Variants in C16orf78 observed in about 807,000 individuals in gnomAD.
The protein encoded by C16orf78 is chromosome 16 open reading frame 78.
A neutral mutation model predicts 27.3 loss-of-function variants in C16orf78; 19 were observed. The observed-to-expected ratio is 0.70, with a 90% CI of 0.49 to 1.02. The LOEUF is 1.02. Ranked by LOEUF, C16orf78 falls within the 50% of genes least tolerant of loss-of-function variation. C16orf78 has a pLI of 0.00. For missense variants in C16orf78, 339 were observed against 337.0 expected (o/e 1.01, Z -0.05); for synonymous variants, 130 against 116.1 (o/e 1.12, Z -0.77).
intron 1 of C16orf78, among the ~76,000 whole-genome samples, chr16:49,377,114 G>A (rs754733244): frequency 6.6e-6 from 1 of 152,186 alleles, no homozygotes. Context: ...CCTCCCCTGC[G>A]AGAGCAGGAG....
intron 3 of C16orf78, among the ~76,000 whole-genome samples, chr16:49,390,954 C>G (rs753043627): frequency 2.0e-5 from 3 of 152,182 alleles, no homozygotes; most frequent in Non-Finnish European, 4.4e-5. Context: ...TCAAGGATCA[C>G]TTCCCTGTGT....
intron 4 of C16orf78, among the ~76,000 whole-genome samples, 172 bp downstream of exon 4, chr16:49,396,850 G>A (rs890684755): frequency 4.6e-5 from 7 of 152,238 alleles, no homozygotes; most frequent in Non-Finnish European, 8.8e-5. Context: ...TCAAGCCAGT[G>A]GGTTTCCAGC....
Position 49,378,472 on chromosome 16 carries a change from C to A in C16orf78, c.273C>A (p.Ala91=), listed in dbSNP as rs781755813. ...NRRDTETSQQ[A]LGKRFRKDAA... ...ACTTCTCACCTGCTCCCTCCAAGGC[C>A]TTAGGAAAGAGATTCAGGAAGGACG... The change falls in exon 3 of 5, where the codon GCC becomes GCA. Residue 91 remains alanine (A), a splice_region_variant and synonymous_variant. Coordinates refer to ENST00000299191, the MANE Select transcript of C16orf78 (RefSeq NM_144602.4). 1 of 1,576,836 alleles carries A rather than the reference C, an allele frequency of 6.3e-7. No individual in the cohort carries two copies. The highest frequency in any genetic ancestry group is 1.9e-5 in the Admixed American group (1 of 54,020).
intron 1 of C16orf78, among the ~76,000 whole-genome samples, chr16:49,376,854 G>A (rs575568916): frequency 1.3e-4 from 20 of 152,136 alleles, no homozygotes; most frequent in South Asian, 1.0e-3. Flanking sequence ...GCCCTCAGCC[G>A]TGGATAGAGC....
intron 3 of C16orf78, among the ~76,000 whole-genome samples, chr16:49,388,608 C>A (rs374662258): frequency 6.6e-6 from 1 of 152,100 alleles, no homozygotes; most frequent in Non-Finnish European, 1.5e-5. Flanking sequence ...ACCTCCCATG[C>A]TCAAGCAATC....
chr16:49,390,813 C>A (rs1478299196), intron 3 of C16orf78, among the ~76,000 whole-genome samples: 1 of 152,212 alleles, frequency 6.6e-6, no homozygotes, highest in Non-Finnish European at 1.5e-5. Flanking sequence ...TGGTTTCTCT[C>A]CCCAACTCAA....
intron 3 of C16orf78, among the ~76,000 whole-genome samples, chr16:49,380,429 C>A (rs12921926): frequency 6.6e-6 from 1 of 152,150 alleles, no homozygotes; most frequent in Non-Finnish European, 1.5e-5. Context: ...CATACCTTCC[C>A]CGAATTTTCT....
Position 49,399,343 on chromosome 16 carries a change from T to A in C16orf78, c.*65T>A. 6.4e-7 allele frequency: 1 copy of A among 1,566,362 alleles called. No individual in the cohort carries two copies. Among genetic ancestry groups the A allele is most frequent in the Admixed American group, 1.7e-5 (1 of 58,936 alleles). ...TGGGACCCTTCACCTCCAGATGCCA[T>A]CCTCTGGCACACTACAAGTGGTCCT... On this transcript the variant is annotated 3_prime_UTR_variant, in exon 5 of 5. Coordinates refer to ENST00000299191, the MANE Select transcript of C16orf78 (RefSeq NM_144602.4).
At chr16:49,383,004 T>C (rs1965306966) in intron 3 of C16orf78, among the ~76,000 whole-genome samples, 1 of 152,234 alleles carries the variant, frequency 6.6e-6, no homozygotes, top group African/African-American at 2.4e-5. Flanking sequence ...TGCCAGCAGG[T>C]CAGGCTGACT....
chr16:49,391,569 G>A (rs1033262500), intron 3 of C16orf78, among the ~76,000 whole-genome samples: 4 of 152,102 alleles, frequency 2.6e-5, no homozygotes, highest in Non-Finnish European at 5.9e-5. Flanking sequence ...ATAATCTGTG[G>A]CATCTTGAGC....
rs138287349 is a variant in C16orf78, at chr16:49,375,801, G to A, written c.150+1712G>A. ...GCCTACCCACTGCCTTGATTTGGGG[G>A]CGAAGGGGAAGCTTGACTTCTGGGT... On this transcript the variant is annotated intron_variant, in intron 1 of 4. Transcript: ENST00000299191. Among the ~76,000 whole-genome samples, 95 of 152,270 alleles carry A rather than the reference G, an allele frequency of 6.2e-4. No individual in the cohort carries two copies. The East Asian group carries it at 0.018, about 28-fold the overall frequency.
At chr16:49,382,643 G>A (rs1237759799) in intron 3 of C16orf78, among the ~76,000 whole-genome samples, 1 of 152,036 alleles carries the variant, frequency 6.6e-6, no homozygotes, top group African/African-American at 2.4e-5. Flanking sequence ...CAGGAGTTCA[G>A]GCCACCAAAT....
intron 3 of C16orf78, among the ~76,000 whole-genome samples, chr16:49,380,755 T>C (rs1175730059): frequency 6.6e-6 from 1 of 152,010 alleles, no homozygotes; most frequent in African/African-American, 2.4e-5. Context: ...CTAGGGTTTT[T>C]ATGGTTTTAG....
rs142378468 is a variant in C16orf78 at position 49,380,288 on chromosome 16, C to T, written c.394+1695C>T. Among the ~76,000 whole-genome samples the T allele has an allele frequency of 3.9e-5, 6 of 152,312 alleles. No individual in the cohort carries two copies. In the East Asian group the frequency reaches 5.8e-4, roughly 15 times the overall value. On this transcript the variant is annotated intron_variant, in intron 3 of 4. Coordinates refer to ENST00000299191, the MANE Select transcript of C16orf78 (RefSeq NM_144602.4). ...AGTCAATACTCCTTAATAAACTCCC[C>T]TTCATATATACATCTATCCTGTTAG...
intron 3 of C16orf78, among the ~76,000 whole-genome samples, chr16:49,382,338 G>A (rs772108846): frequency 5.9e-5 from 9 of 151,694 alleles, no homozygotes; most frequent in Middle Eastern, 3.2e-3. Flanking sequence ...TAGGTGCAGC[G>A]CACCAGCATG....
intron 3 of C16orf78, among the ~76,000 whole-genome samples, chr16:49,384,587 T>C (rs904536101): frequency 6.6e-6 from 1 of 151,880 alleles, no homozygotes; most frequent in African/African-American, 2.4e-5. Context: ...ATACATATTA[T>C]GGGAGTCTAA....
At chr16:49,380,440 G>A (rs1312542406) in intron 3 of C16orf78, among the ~76,000 whole-genome samples, 1 of 152,144 alleles carries the variant, frequency 6.6e-6, no homozygotes, top group African/African-American at 2.4e-5. Flanking sequence ...CGAATTTTCT[G>A]TGACTACCAG....
chr16:49,374,640 C>T (rs1221747010), intron 1 of C16orf78, among the ~76,000 whole-genome samples: 2 of 152,214 alleles, frequency 1.3e-5, no homozygotes, highest in African/African-American at 2.4e-5. Context: ...TGGGATCCTC[C>T]TACTGCCCTC....
Position 49,377,605 on chromosome 16 carries a change from G to T in C16orf78, c.151-126G>T, listed in dbSNP as rs566578620. ...AGGAACAGTGACGACAGGCCCTAGA[G>T]TGTGTGTGCTGAAGCCTGTGGAGGG... is the stretch of plus-strand genomic sequence containing the variant. On this transcript the variant is annotated intron_variant, in intron 1 of 4. Transcript: ENST00000299191. 3.5e-5 allele frequency: 43 copies of T among 1,224,168 alleles called. No homozygotes were observed. In the African/African-American group the frequency reaches 6.4e-4, roughly 18 times the overall value. 75.8% of individuals were successfully genotyped at this position (1,224,168 alleles called of 1,614,324 possible).
Sources: gnomAD v4.1 joint callset for allele counts (sites outside exome capture counted in the v4.1 genomes callset) on GRCh38, gnomAD v4.1.1 for gene constraint, MANE v1.5 for transcripts, NCBI Gene and HGNC (gene_info 2026-07-23, HGNC 2026-07-21) for gene names.